The following RABGAP1L variants were observed in gnomAD, a reference collection of about 807,000 sequenced individuals.
The protein encoded by RABGAP1L is rab GTPase-activating protein 1-like.
Under a neutral mutation model 137.7 loss-of-function variants are expected in RABGAP1L, and 63 were observed. The observed-to-expected ratio is 0.46, with a 90% CI of 0.37 to 0.56. RABGAP1L has a LOEUF of 0.56. Ranked by LOEUF, RABGAP1L falls within the 20% of genes least tolerant of loss-of-function variation. RABGAP1L has a pLI of 0.00. For synonymous variants in RABGAP1L, 431 were observed against 433.7 expected, an observed-to-expected ratio of 0.99 and a Z score of 0.08; for missense variants, 1,095 against 1,244.0, an observed-to-expected ratio of 0.88 and a Z score of 1.80.
At chr1:174,636,633 T>A (rs1043352964) in intron 13 of RABGAP1L, among the ~76,000 whole-genome samples, 1 of 152,200 alleles carries the variant, frequency 6.6e-6, no homozygotes. Flanking sequence ...ACAGTATTTT[T>A]ACTTTTTAAA....
Position 174,406,386 on chromosome 1 carries a change from T to C in RABGAP1L, c.1710+12241T>C, listed in dbSNP as rs144043258. Among the ~76,000 whole-genome samples the C allele has an allele frequency of 4.2e-4, 64 of 152,350 alleles. No homozygotes were observed. In the East Asian group the frequency reaches 9.3e-3, roughly 22 times the overall value. On this transcript the variant is annotated intron_variant, in intron 13 of 25. Coordinates refer to ENST00000681986, the MANE Select transcript of RABGAP1L (RefSeq NM_001366446.1). ...GTTTTGAGGTAAATTAAGGAAGATA[T>C]AACTTTTTAATATTACCTTCATTTT...
intron 1 of RABGAP1L, among the ~76,000 whole-genome samples, chr1:174,218,226 G>A (rs999789983): frequency 6.6e-6 from 1 of 152,118 alleles, no homozygotes; most frequent in Non-Finnish European, 1.5e-5. Flanking sequence ...TCACATTAAC[G>A]TGTTTATTGT....
chr1:174,523,515 T>C (rs1298723722), intron 13 of RABGAP1L, among the ~76,000 whole-genome samples: 1 of 152,220 alleles, frequency 6.6e-6, no homozygotes, highest in Admixed American at 6.5e-5. Context: ...TGATTCATAA[T>C]ATGTTATGTA....
intron 16 of RABGAP1L, 68 bp from the exon 17 acceptor site, chr1:174,702,045 G>C (rs949628521): frequency 1.1e-5 from 16 of 1,447,298 alleles, no homozygotes; most frequent in Admixed American, 1.0e-4. Context: ...AGTTGCAGTT[G>C]TGGCAGGAAC....
intron 1 of RABGAP1L, among the ~76,000 whole-genome samples, chr1:174,214,499 A>T (rs1311934376): frequency 6.6e-6 from 1 of 152,238 alleles, no homozygotes; most frequent in Non-Finnish European, 1.5e-5. Flanking sequence ...TAAAATTTAT[A>T]TGAAACTACA....
At position 174,911,288 on chromosome 1, in the gene RABGAP1L, G is replaced by C. The variant is rs151097705; in HGVS notation, c.2341-46169G>C. 6.8e-4 allele frequency among the ~76,000 whole-genome samples: 104 copies of C among 152,204 alleles called. 1 individual carries two copies. The highest frequency in any genetic ancestry group is 2.3e-3 in the African/African-American group (96 of 41,524). ...TGTTAAAAAAGTTTTAAACTTGCTT[G>C]AAGTCTCACTATTTTTGCTTTTTTT... On this transcript the variant is annotated intron_variant, in intron 19 of 25. Coordinates refer to ENST00000681986, the MANE Select transcript of RABGAP1L (RefSeq NM_001366446.1).
chr1:174,680,164 A>G (rs1677945538), intron 14 of RABGAP1L, among the ~76,000 whole-genome samples: 2 of 152,350 alleles, frequency 1.3e-5, no homozygotes, highest in Non-Finnish European at 2.9e-5. Flanking sequence ...TGTAATATGC[A>G]TGTCTGACAG....
chr1:174,327,807 T>G (rs1459707031), intron 11 of RABGAP1L, among the ~76,000 whole-genome samples: 2 of 151,376 alleles, frequency 1.3e-5, no homozygotes, highest in Non-Finnish European at 2.9e-5. Flanking sequence ...GGAAAAGGTA[T>G]TCCACGCAAA....
At chr1:174,794,419 T>G (rs747600678) in intron 18 of RABGAP1L, among the ~76,000 whole-genome samples, 10 of 152,198 alleles carry the variant, frequency 6.6e-5, no homozygotes, top group South Asian at 2.1e-4. Flanking sequence ...CTGGAAAGAA[T>G]GAAAAAAACT....
At chr1:174,933,347 C>A (rs1014742115) in intron 19 of RABGAP1L, among the ~76,000 whole-genome samples, 1 of 152,072 alleles carries the variant, frequency 6.6e-6, no homozygotes, top group Non-Finnish European at 1.5e-5. Flanking sequence ...GGATGCCTTT[C>A]TGACATTCTG....
At chr1:174,314,359 C>T (rs1290259909) in intron 11 of RABGAP1L, among the ~76,000 whole-genome samples, 9 of 152,100 alleles carry the variant, frequency 5.9e-5, no homozygotes, top group Non-Finnish European at 1.0e-4. Context: ...GATAATGTCT[C>T]TGTTTTCCTT....
At chr1:174,166,005 T>C (rs1384726416) in intron 1 of RABGAP1L, among the ~76,000 whole-genome samples, 2 of 152,250 alleles carry the variant, frequency 1.3e-5, no homozygotes, top group Non-Finnish European at 2.9e-5. Flanking sequence ...TTTTCCTTTC[T>C]GCTTTTCAGT....
chr1:174,661,770 C>T (rs1425968918), intron 14 of RABGAP1L, among the ~76,000 whole-genome samples: 2 of 152,026 alleles, frequency 1.3e-5, no homozygotes, highest in Non-Finnish European at 2.9e-5. Flanking sequence ...ATGGTGGTCC[C>T]ATAAGATTAT....
At chr1:174,975,157 G>A (rs1175492343) in intron 21 of RABGAP1L, among the ~76,000 whole-genome samples, 2 of 152,256 alleles carry the variant, frequency 1.3e-5, no homozygotes, top group East Asian at 3.9e-4. Context: ...TGGGCTTGGT[G>A]CTTGGGATAG....
At position 174,994,615 on chromosome 1, in the gene RABGAP1L, G is replaced by T. The variant is rs977686431; in HGVS notation, c.*4614G>T. On this transcript the variant is annotated 3_prime_UTR_variant, in exon 26 of 26. Coordinates refer to ENST00000681986, the MANE Select transcript of RABGAP1L (RefSeq NM_001366446.1). Reference sequence around the variant, plus strand: ...ATATATGGGATAAAATATATGGACTGAATTGTGAGAATATAAATGCATCGA... The same window carrying T: ...ATATATGGGATAAAATATATGGACTTAATTGTGAGAATATAAATGCATCGA... 2.0e-5 allele frequency: 3 copies of T among 152,164 alleles called. No homozygotes were observed. Among genetic ancestry groups the T allele is most frequent in the African/African-American group, 4.8e-5 (2 of 41,434 alleles). 9.4% of individuals were successfully genotyped at this position (152,164 alleles called of 1,614,324 possible).
At chr1:174,933,925 T>G (rs1446258372) in intron 19 of RABGAP1L, among the ~76,000 whole-genome samples, 1 of 152,176 alleles carries the variant, frequency 6.6e-6, no homozygotes, top group African/African-American at 2.4e-5. Flanking sequence ...AACCCAATCC[T>G]CTAGGGAAAA....
intron 19 of RABGAP1L, among the ~76,000 whole-genome samples, chr1:174,911,772 A>G (rs1660091343): frequency 1.3e-5 from 2 of 152,236 alleles, no homozygotes. Context: ...TTGATGGCGT[A>G]GAATGGCCAT....
intron 19 of RABGAP1L, among the ~76,000 whole-genome samples, chr1:174,879,366 G>A (rs1363497750): frequency 6.6e-6 from 1 of 151,906 alleles, no homozygotes; most frequent in African/African-American, 2.4e-5. Flanking sequence ...CCAAAGTGCT[G>A]GGATTACAGG....
intron 19 of RABGAP1L, among the ~76,000 whole-genome samples, chr1:174,939,699 A>G (rs1000409337): frequency 4.0e-5 from 6 of 150,148 alleles, no homozygotes; most frequent in Admixed American, 6.6e-5. Context: ...TCTGTCAAAC[A>G]TATCAGAGAA....
Sources: allele counts gnomAD v4.1 joint callset (sites outside exome capture counted in the v4.1 genomes callset), GRCh38; gene constraint gnomAD v4.1.1; transcripts MANE v1.5; gene names NCBI Gene and HGNC (gene_info 2026-07-23, HGNC 2026-07-21).